The following RGS7BP variants were observed in gnomAD, a reference collection of about 807,000 sequenced individuals.
RGS7BP encodes regulator of G protein signaling 7 binding protein, also known as regulator of G protein signaling 7-binding protein.
RGS7BP carries 9 observed loss-of-function variants against 31.3 expected under a neutral mutation model. The ratio of observed to expected loss-of-function variants is 0.29; its 90% CI spans 0.17 to 0.50. The LOEUF is 0.50. RGS7BP is among the 20% of genes least tolerant of loss of function. RGS7BP has a pLI of 0.98. For missense variants in RGS7BP, 274 were observed against 322.0 expected (o/e 0.85, Z 1.14); for synonymous variants, 115 against 120.1 (o/e 0.96, Z 0.28).
At chr5:64,520,628 A>G (rs1317644108) in intron 2 of RGS7BP, among the ~76,000 whole-genome samples, 2 of 152,174 alleles carry the variant, frequency 1.3e-5, no homozygotes, top group South Asian at 2.1e-4. Flanking sequence ...ACATGACCCT[A>G]TGGGATCAGA....
intron 2 of RGS7BP, among the ~76,000 whole-genome samples, chr5:64,544,060 T>C (rs1180558867): frequency 1.3e-5 from 2 of 152,270 alleles, no homozygotes; most frequent in Non-Finnish European, 2.9e-5. Flanking sequence ...GTTACATGTG[T>C]AAGTGAACTA....
chr5:64,544,899 G>T (rs539245305), intron 2 of RGS7BP, among the ~76,000 whole-genome samples: 32 of 151,824 alleles, frequency 2.1e-4, no homozygotes, highest in Non-Finnish European at 2.7e-4. Flanking sequence ...GCTTTTGGCC[G>T]GGCGTGGTGG....
chr5:64,556,845 T>C (rs1018972111), intron 2 of RGS7BP, among the ~76,000 whole-genome samples: 27 of 151,630 alleles, frequency 1.8e-4, no homozygotes, highest in Admixed American at 1.7e-3. Flanking sequence ...TGTGTGCCTC[T>C]GTGTGTGTAA....
In RGS7BP at chr5:64,546,789, A is replaced by G. The variant is rs144393388; in HGVS notation, c.333-28985A>G. ...CTTATGAAATTAGCAGGATTTATGT[A>G]CAGTAAAGCAAGTCAATGAACTAAT... is the stretch of plus-strand genomic sequence containing the variant. On this transcript the variant is annotated intron_variant, in intron 2 of 5. Transcript: ENST00000334025. 2.7e-3 allele frequency among the ~76,000 whole-genome samples: 418 copies of G among 152,340 alleles called. 5 individuals carry two copies. The highest frequency in any genetic ancestry group is 9.8e-3 in the African/African-American group (406 of 41,580).
At chr5:64,602,004 A>G (rs1432872755) in intron 5 of RGS7BP, among the ~76,000 whole-genome samples, 1 of 152,186 alleles carries the variant, frequency 6.6e-6, no homozygotes, top group Non-Finnish European at 1.5e-5. Flanking sequence ...GAATCAGTCG[A>G]GAAGTAGGTA....
At chr5:64,604,688 T>C (rs796598502) in intron 5 of RGS7BP, among the ~76,000 whole-genome samples, 4 of 152,312 alleles carry the variant, frequency 2.6e-5, no homozygotes, top group African/African-American at 9.6e-5. Context: ...GCAGCTAATG[T>C]TTGAGAACCA....
chr5:64,594,697 C>T lies in RGS7BP; in HGVS notation c.464-13C>T. 1 of 1,613,210 alleles carries T rather than the reference C, an allele frequency of 6.2e-7. No homozygotes were observed. The highest frequency in any genetic ancestry group is 8.5e-7 in the Non-Finnish European group (1 of 1,179,326). On this transcript the variant is annotated splice_polypyrimidine_tract_variant and intron_variant, in intron 3 of 5. Transcript: ENST00000334025. Reference sequence around the variant, plus strand: ...TTTTCCTCTTCTCTTTACCAACACCCTCCCTCCCTTAGGAAAGGAACCTGG... The same window carrying T: ...TTTTCCTCTTCTCTTTACCAACACCTTCCCTCCCTTAGGAAAGGAACCTGG...
chr5:64,573,143 T>G (rs1742338974), intron 2 of RGS7BP, among the ~76,000 whole-genome samples: 1 of 151,924 alleles, frequency 6.6e-6, no homozygotes, highest in Non-Finnish European at 1.5e-5. Flanking sequence ...ACAAAGGACA[T>G]GAACTCATCA....
At chr5:64,607,274 G>A (rs1252888683) in intron 5 of RGS7BP, among the ~76,000 whole-genome samples, 1 of 152,056 alleles carries the variant, frequency 6.6e-6, no homozygotes, top group Non-Finnish European at 1.5e-5. Flanking sequence ...AAAAGTATCT[G>A]AGACACATCT....
intron 4 of RGS7BP, among the ~76,000 whole-genome samples, chr5:64,596,655 A>C (rs1230796688): frequency 2.0e-5 from 3 of 152,126 alleles, no homozygotes; most frequent in Non-Finnish European, 2.9e-5. Flanking sequence ...CTTGATCAGC[A>C]TGCAGCCCAC....
chr5:64,578,173 GGTCTTCACTGCCTCCT>G (rs1267086447), intron 3 of RGS7BP, among the ~76,000 whole-genome samples: 1 of 152,166 alleles, frequency 6.6e-6, no homozygotes, highest in Non-Finnish European at 1.5e-5. Context: ...CAGCTCATTT[GGTCTTCACTGCCTCCT>G]GTCTTCACTG....
In RGS7BP at chr5:64,593,080, C is replaced by T. The variant is rs898730362; in HGVS notation, c.464-1630C>T. On this transcript the variant is annotated intron_variant, in intron 3 of 5. Coordinates refer to ENST00000334025, the MANE Select transcript of RGS7BP (RefSeq NM_001029875.3). Reference sequence around the variant, plus strand: ...ATACCATAAAATTGGAAAAACAATTCCTCAGGCAAGTCCCATCACCCAGGA... The same window carrying T: ...ATACCATAAAATTGGAAAAACAATTTCTCAGGCAAGTCCCATCACCCAGGA... 4.6e-5 allele frequency among the ~76,000 whole-genome samples: 7 copies of T among 152,192 alleles called. No individual in the cohort carries two copies. The South Asian group carries it at 1.4e-3, about 32-fold the overall frequency.
At chr5:64,524,407 T>C (rs1387604606) in intron 2 of RGS7BP, among the ~76,000 whole-genome samples, 1 of 152,192 alleles carries the variant, frequency 6.6e-6, no homozygotes, top group East Asian at 1.9e-4. Context: ...TCAAGAAATG[T>C]GGGTATTACC....
rs900548988 is a variant in RGS7BP at position 64,578,587 on chromosome 5, C to T, written c.463+2683C>T. On this transcript the variant is annotated intron_variant, in intron 3 of 5. Coordinates refer to ENST00000334025, the MANE Select transcript of RGS7BP (RefSeq NM_001029875.3). Reference sequence around the variant, plus strand: ...AAAATGTAAATCACACCCCACCCTCCGTATAAATAAAAGGAAAAACTTCCA... The same window carrying T: ...AAAATGTAAATCACACCCCACCCTCTGTATAAATAAAAGGAAAAACTTCCA... Among the ~76,000 whole-genome samples the T allele has an allele frequency of 1.6e-4, 24 of 152,262 alleles. 1 individual carries two copies. Among genetic ancestry groups the T allele is most frequent in the African/African-American group, 3.9e-4 (16 of 41,528 alleles).
At chr5:64,562,894 G>C (rs1405185127) in intron 2 of RGS7BP, among the ~76,000 whole-genome samples, 1 of 152,132 alleles carries the variant, frequency 6.6e-6, no homozygotes, top group Non-Finnish European at 1.5e-5. Context: ...CTAGGTGCTA[G>C]GGAAAGCCAG....
chr5:64,553,384 C>G (rs1013192851), intron 2 of RGS7BP, among the ~76,000 whole-genome samples: 2 of 152,018 alleles, frequency 1.3e-5, no homozygotes, highest in African/African-American at 4.8e-5. Context: ...ATTGGCCAGG[C>G]TGGTCTTGAA....
At chr5:64,601,479 G>C (rs1360684929) in intron 5 of RGS7BP, 1 of 965,516 alleles carries the variant, frequency 1.0e-6, no homozygotes, top group Non-Finnish European at 1.2e-6. Flanking sequence ...CCAAGGGCAG[G>C]AATTTTAATG....
At chr5:64,589,620 T>C (rs1742854105) in intron 3 of RGS7BP, among the ~76,000 whole-genome samples, 1 of 152,000 alleles carries the variant, frequency 6.6e-6, no homozygotes, top group African/African-American at 2.4e-5. Context: ...AGGATGCTGT[T>C]CTAGATTAAA....
intron 2 of RGS7BP, among the ~76,000 whole-genome samples, chr5:64,569,223 AG>A (rs1320015078): frequency 1.3e-5 from 2 of 152,040 alleles, no homozygotes; most frequent in African/African-American, 4.8e-5. Flanking sequence ...CTGTGAAGAG[AG>A]GGGAATTACT....
Sources: gnomAD v4.1 joint callset for allele counts (sites outside exome capture counted in the v4.1 genomes callset) on GRCh38, gnomAD v4.1.1 for gene constraint, MANE v1.5 for transcripts, NCBI Gene and HGNC (gene_info 2026-07-23, HGNC 2026-07-21) for gene names.